Variants in MYO5B observed in about 807,000 individuals in gnomAD.
The protein encoded by MYO5B is unconventional myosin-Vb.
In MYO5B, 143 loss-of-function variants were observed where a neutral mutation model predicts 229.3. The ratio of observed to expected loss-of-function variants is 0.62; its 90% CI spans 0.54 to 0.72. The LOEUF is 0.72. Among genes scored for constraint, MYO5B ranks in the 30% least tolerant of loss-of-function variants. MYO5B has a pLI of 0.00. For synonymous variants in MYO5B, 918 were observed against 885.2 expected (o/e 1.04, Z -0.66); for missense variants, 2,321 against 2,331.0 (o/e 1.00, Z 0.09).
chr18:50,095,543 A>T (rs1318821340), intron 1 of MYO5B, among the ~76,000 whole-genome samples: 1 of 152,204 alleles, frequency 6.6e-6, no homozygotes, highest in Non-Finnish European at 1.5e-5. Flanking sequence ...TCTTTGTGGG[A>T]TGCACACATG....
chr18:49,861,725 G>A (rs1287876382), intron 29 of MYO5B, among the ~76,000 whole-genome samples: 1 of 152,078 alleles, frequency 6.6e-6, no homozygotes, highest in East Asian at 1.9e-4. Flanking sequence ...CAGGCCACCC[G>A]TGGGCCTAAG....
chr18:49,842,055 C>T lies in MYO5B; in HGVS notation c.4612-601G>A, dbSNP rs1039654464. ...GCTCATTCTGTCAAGTAAGCGTTATCATTATTTAAATGACAGAGTGGTATG... is the reference window on the plus strand; with the variant it reads ...GCTCATTCTGTCAAGTAAGCGTTATTATTATTTAAATGACAGAGTGGTATG... On this transcript the variant is annotated intron_variant, in intron 34 of 39. Transcript: ENST00000285039. Among the ~76,000 whole-genome samples the T allele has an allele frequency of 6.2e-5, 9 of 145,116 alleles. No homozygotes were observed. In the East Asian group the frequency reaches 1.6e-3, roughly 26 times the overall value.
At chr18:50,002,134 A>G (rs963831803) in intron 4 of MYO5B, among the ~76,000 whole-genome samples, 2 of 152,040 alleles carry the variant, frequency 1.3e-5, no homozygotes, top group African/African-American at 4.8e-5. Flanking sequence ...TATACATTAC[A>G]ATTTCTTCAA....
At chr18:50,061,599 C>T in intron 1 of MYO5B, among the ~76,000 whole-genome samples, 1 of 152,162 alleles carries the variant, frequency 6.6e-6, no homozygotes, top group East Asian at 1.9e-4. Context: ...TGCTGGCTGG[C>T]ATACAAGAAT....
Position 50,040,359 on chromosome 18 carries a change from G to A in MYO5B, c.139-45C>T, listed in dbSNP as rs376333629. ...AGACACAAAAAGGTGGTTATGAAGC[G>A]TTAAGTCTGTATTCAATGTCCTGTC... On this transcript the variant is annotated intron_variant, in intron 2 of 39. Coordinates refer to ENST00000285039, the MANE Select transcript of MYO5B (RefSeq NM_001080467.3). 5.0e-5 allele frequency: 78 copies of A among 1,551,736 alleles called. No homozygotes were observed. The African/African-American group carries it at 6.4e-4, about 13-fold the overall frequency.
chr18:49,886,639 C>CAAA (rs2024645014), intron 22 of MYO5B, among the ~76,000 whole-genome samples: 2 of 49,686 alleles, frequency 4.0e-5, no homozygotes, highest in Non-Finnish European at 3.7e-5. Context: ...TTTATTTTGC[C>CAAA]AAATAACATT....
chr18:49,877,794 C>T lies in MYO5B; in HGVS notation c.3365G>A (p.Gly1122Glu), dbSNP rs751447384. The stretch of plus-strand genomic sequence containing the variant: ...CTGCTGGAGGGCATCCTCAGTGTCT[C>T]CGATCTCAGATGTGGAGATGGAGGG... ...NYPSISTSEI[G>E]DTEDALQQVE... Residue 1122 changes from glycine (G) to glutamate (E), a missense_variant, in exon 25 of 40, where the codon GGA becomes GAA. By Grantham distance (98) the Gly-to-Glu change is moderately conservative (BLOSUM62 -2). Around this residue, in one of 2 missense-constraint regions of MYO5B, gnomAD observed 2,113 missense variants for 2,044.7 expected, o/e 1.03. Coordinates refer to ENST00000285039, the MANE Select transcript of MYO5B (RefSeq NM_001080467.3). The T allele has an allele frequency of 6.2e-7, 1 of 1,614,136 alleles. No homozygotes were observed. The highest frequency in any genetic ancestry group is 2.2e-5 in the East Asian group (1 of 44,882).
chr18:50,029,047 T>C (rs1054216197), intron 4 of MYO5B, among the ~76,000 whole-genome samples: 3 of 152,240 alleles, frequency 2.0e-5, no homozygotes, highest in Non-Finnish European at 2.9e-5. Flanking sequence ...TCTTTTAAAA[T>C]AGGAATGTCA....
chr18:50,116,844 C>CA (rs35037356), intron 1 of MYO5B, among the ~76,000 whole-genome samples: 1,585 of 125,074 alleles, frequency 0.013, 15 homozygotes, highest in African/African-American at 0.026. Flanking sequence ...ACTGAGTTAC[C>CA]AAAAAAAAAA....
intron 1 of MYO5B, among the ~76,000 whole-genome samples, chr18:50,154,935 T>C (rs2032656424): frequency 1.3e-5 from 2 of 152,154 alleles, no homozygotes; most frequent in South Asian, 2.1e-4. Context: ...CTCAAAAAAG[T>C]CTGTTTGCCT....
chr18:50,124,744 A>G (rs1447852017), intron 1 of MYO5B, among the ~76,000 whole-genome samples: 3 of 151,656 alleles, frequency 2.0e-5, no homozygotes, highest in Admixed American at 6.6e-5. Context: ...ACTGCTTGCA[A>G]TTGACACATC....
At chr18:50,019,303 G>A (rs2026250510) in intron 4 of MYO5B, among the ~76,000 whole-genome samples, 1 of 152,178 alleles carries the variant, frequency 6.6e-6, no homozygotes, top group South Asian at 2.1e-4. Context: ...CTAAGCCACA[G>A]TGAGAAGGCA....
intron 1 of MYO5B, among the ~76,000 whole-genome samples, chr18:50,112,592 A>G (rs1483110120): frequency 6.6e-6 from 1 of 152,172 alleles, no homozygotes; most frequent in Admixed American, 6.5e-5. Context: ...GTTATGCCCC[A>G]CGAAAAACCT....
intron 17 of MYO5B, among the ~76,000 whole-genome samples, chr18:49,914,755 G>A (rs1438676498): frequency 7.1e-6 from 1 of 140,888 alleles, no homozygotes; most frequent in Non-Finnish European, 1.5e-5. Context: ...ACTCCAGCCT[G>A]AGTAACAGAG....
intron 27 of MYO5B, among the ~76,000 whole-genome samples, chr18:49,864,936 TGTCAGCAGA>T: frequency 6.6e-6 from 1 of 152,342 alleles, no homozygotes; most frequent in South Asian, 2.1e-4. Context: ...CAACTGTCCC[TGTCAGCAGA>T]GGAAAAATAC....
At chr18:50,152,537 G>C (rs2032614970) in intron 1 of MYO5B, among the ~76,000 whole-genome samples, 1 of 152,104 alleles carries the variant, frequency 6.6e-6, no homozygotes. Context: ...AAGAGAGTTT[G>C]AAAAGCATAC....
chr18:49,972,035 T>C (rs1314192759), intron 10 of MYO5B, among the ~76,000 whole-genome samples: 5 of 152,294 alleles, frequency 3.3e-5, no homozygotes, highest in African/African-American at 1.2e-4. Context: ...ATCGGGACCC[T>C]GCCCTCATGG....
intron 14 of MYO5B, among the ~76,000 whole-genome samples, chr18:49,942,502 TCAAA>T (rs2025327978): frequency 6.7e-6 from 1 of 150,172 alleles, no homozygotes; most frequent in African/African-American, 2.5e-5. Flanking sequence ...TACAATGAAC[TCAAA>T]CAAATTTACA....
intron 1 of MYO5B, among the ~76,000 whole-genome samples, chr18:50,181,273 C>T (rs1396125478): frequency 1.3e-5 from 2 of 152,118 alleles, no homozygotes; most frequent in African/African-American, 4.8e-5. Context: ...AAATTGTTAA[C>T]CAAACAGACC....
Sources: allele counts gnomAD v4.1 joint callset (sites outside exome capture counted in the v4.1 genomes callset), GRCh38; gene constraint gnomAD v4.1.1; regional missense constraint gnomAD v4.1.1; transcripts MANE v1.5; gene names NCBI Gene and HGNC (gene_info 2026-07-23, HGNC 2026-07-21).